Variants in HS6ST2 observed in about 807,000 individuals in gnomAD.
The protein encoded by HS6ST2 is heparan sulfate 6-O-sulfotransferase 2.
Under a neutral mutation model 33.0 loss-of-function variants are expected in HS6ST2, and 17 were observed. The ratio of observed to expected loss-of-function variants is 0.52; its 90% CI spans 0.35 to 0.77. The LOEUF is 0.77. HS6ST2 is among the 30% of genes least tolerant of loss of function. The pLI is 0.01. For missense variants in HS6ST2, 519 were observed against 551.7 expected, an observed-to-expected ratio of 0.94 and a Z score of 0.59; for synonymous variants, 248 against 237.1, an observed-to-expected ratio of 1.05 and a Z score of -0.42.
At chrX:132,792,888 TC>T (rs201814172) in intron 2 of HS6ST2, among the ~76,000 whole-genome samples, 32,866 of 108,338 alleles carry the variant, frequency 0.3, 4,039 homozygotes, top group Non-Finnish European at 0.35. Context: ...GTTTACCCCT[TC>T]GTCAGTTGAT....
At chrX:132,892,613 G>T (rs1299978848) in intron 2 of HS6ST2, among the ~76,000 whole-genome samples, 1 of 112,265 alleles carries the variant, frequency 8.9e-6, no homozygotes, top group Non-Finnish European at 1.9e-5. Flanking sequence ...GAGGTCAGGA[G>T]TTCGATACCA....
At chrX:132,681,647 AT>A (rs2063972183) in intron 3 of HS6ST2, among the ~76,000 whole-genome samples, 1 of 111,873 alleles carries the variant, frequency 8.9e-6, no homozygotes, top group Non-Finnish European at 1.9e-5. Flanking sequence ...TTAAAAAAAA[AT>A]TTAAGTCAGC....
chrX:132,858,488 A>C (rs998581273), intron 2 of HS6ST2, among the ~76,000 whole-genome samples: 13 of 112,063 alleles, frequency 1.2e-4, no homozygotes, highest in African/African-American at 4.2e-4. Flanking sequence ...GTGGGCAAGA[A>C]TGGGATGCTG....
rs748286648 is a variant in HS6ST2, at chrX:132,853,005, G to A, written c.947+103803C>T. On this transcript the variant is annotated intron_variant, in intron 2 of 4. Coordinates refer to ENST00000370833, the MANE Select transcript of HS6ST2 (RefSeq NM_001394073.1). ...TAGTCCTGGGGTACAACATAAACAT[G>A]GATAACTAAAATCTATAATCTCCCA... Among the ~76,000 whole-genome samples the A allele has an allele frequency of 4.5e-5, 5 of 112,043 alleles. No individual in the cohort carries two copies. In the South Asian group the frequency reaches 1.9e-3, roughly 42 times the overall value.
intron 4 of HS6ST2, among the ~76,000 whole-genome samples, chrX:132,641,068 C>T (rs991957860): frequency 1.3e-4 from 15 of 112,304 alleles, no homozygotes; most frequent in Non-Finnish European, 2.1e-4. Context: ...TCTATTGTTT[C>T]CCTGTTTGTG....
intron 2 of HS6ST2, among the ~76,000 whole-genome samples, chrX:132,885,842 TC>T (rs1188989326): frequency 1.8e-5 from 2 of 111,455 alleles, no homozygotes; most frequent in Non-Finnish European, 3.8e-5. Flanking sequence ...AGCACAGACA[TC>T]GGGGGCTACA....
intron 2 of HS6ST2, among the ~76,000 whole-genome samples, chrX:132,894,468 T>TTGTTATGTTA (rs61054237): frequency 0.015 from 1,415 of 91,779 alleles, 19 homozygotes; most frequent in East Asian, 0.045. Flanking sequence ...GAAATTCCTA[T>TTGTTATGTTA]TGTTATGTTA....
chrX:132,799,427 T>C (rs1480782826), intron 2 of HS6ST2, among the ~76,000 whole-genome samples: 1 of 108,597 alleles, frequency 9.2e-6, no homozygotes, highest in East Asian at 2.9e-4. Context: ...CAGGCTGGAG[T>C]GCAGTGGTAC....
chrX:132,938,634 T>G (rs766766281), intron 2 of HS6ST2, among the ~76,000 whole-genome samples: 1 of 110,574 alleles, frequency 9.0e-6, no homozygotes, highest in South Asian at 4.0e-4. Context: ...AGTGAGACCT[T>G]GTCTCAAATA....
chrX:132,789,271 C>T (rs2065094881), intron 2 of HS6ST2, among the ~76,000 whole-genome samples: 1 of 111,266 alleles, frequency 9.0e-6, no homozygotes, highest in African/African-American at 3.3e-5. Flanking sequence ...CTCCTAGGGC[C>T]ATTAAGAATT....
At chrX:132,958,733 G>A (rs2067120921), upstream of HS6ST2, 26 of 608,419 alleles carry the variant, frequency 4.3e-5, no homozygotes, top group South Asian at 7.7e-4. Flanking sequence ...CTTGGAGTAC[G>A]GAGGTCACTC....
At chrX:132,882,749 A>T (rs1486352492) in intron 2 of HS6ST2, among the ~76,000 whole-genome samples, 103 of 111,073 alleles carry the variant, frequency 9.3e-4, no homozygotes, top group Non-Finnish European at 9.6e-4. Context: ...TCAGTATGAT[A>T]TTGGCTGTGG....
At chrX:132,955,696 T>G (rs1445788410) in intron 2 of HS6ST2, among the ~76,000 whole-genome samples, 1 of 111,797 alleles carries the variant, frequency 8.9e-6, no homozygotes, top group East Asian at 2.8e-4. Context: ...TAAGGAGACT[T>G]GCGAAACAGT....
chrX:132,670,110 T>G (rs891656910), intron 3 of HS6ST2, among the ~76,000 whole-genome samples: 8 of 111,529 alleles, frequency 7.2e-5, no homozygotes, highest in Admixed American at 6.6e-4. Flanking sequence ...TTTTTTTTTT[T>G]TGTTAGTAAG....
chrX:132,703,019 A>T (rs2064157724), intron 3 of HS6ST2, among the ~76,000 whole-genome samples: 1 of 112,651 alleles, frequency 8.9e-6, no homozygotes, highest in African/African-American at 3.2e-5. Flanking sequence ...GTTTTTAATC[A>T]TTCTTACCTC....
chrX:132,765,318 C>T (rs182387281), intron 2 of HS6ST2, among the ~76,000 whole-genome samples: 3 of 112,494 alleles, frequency 2.7e-5, no homozygotes, highest in East Asian at 2.8e-4. Flanking sequence ...TTAAAGAATG[C>T]GTGTGGAGAC....
At chrX:132,892,164 A>G (rs887256613) in intron 2 of HS6ST2, among the ~76,000 whole-genome samples, 1 of 112,370 alleles carries the variant, frequency 8.9e-6, no homozygotes, top group Non-Finnish European at 1.9e-5. Context: ...GCAAAGTTCT[A>G]GTTGATAAAA....
At position 132,936,727 on chromosome X, in the gene HS6ST2, G is replaced by T. The variant is rs150228863; in HGVS notation, c.947+20081C>A. ...GGGTGGAGACTGGGAGGAGGATGAG[G>T]GTTGAAAAACTACTTGTCAGATACT... On this transcript the variant is annotated intron_variant, in intron 2 of 4. Coordinates refer to ENST00000370833, the MANE Select transcript of HS6ST2 (RefSeq NM_001394073.1). Among the ~76,000 whole-genome samples the T allele has an allele frequency of 1.0e-2, 1,105 of 111,030 alleles. 5 individuals carry two copies. The highest frequency in any genetic ancestry group is 0.023 in the Middle Eastern group (5 of 214).
chrX:132,693,975 G>A lies in HS6ST2; in HGVS notation c.980+14487C>T, dbSNP rs938899089. 8.9e-5 allele frequency among the ~76,000 whole-genome samples: 10 copies of A among 112,014 alleles called. No homozygotes were observed. In the South Asian group the frequency reaches 2.6e-3, roughly 29 times the overall value. On this transcript the variant is annotated intron_variant, in intron 3 of 4. Transcript: ENST00000370833. ...ATTTTGTTTTTCAAACATATTCCCT[G>A]AGAAAAACTGAGAAAGCAATCACAA...
Sources: gnomAD v4.1 joint callset for allele counts (sites outside exome capture counted in the v4.1 genomes callset) on GRCh38, gnomAD v4.1.1 for gene constraint, MANE v1.5 for transcripts, NCBI Gene and HGNC (gene_info 2026-07-23, HGNC 2026-07-21) for gene names.